Variants in AZIN2 observed in about 807,000 individuals in gnomAD.
AZIN2 encodes ODC antizyme inhibitor-2.
A neutral mutation model predicts 47.8 loss-of-function variants in AZIN2; 28 were observed. The observed-to-expected ratio is 0.59, with a 90% confidence interval of 0.43 to 0.80. The LOEUF is 0.80. Ranked by LOEUF, AZIN2 falls within the 30% of genes least tolerant of loss-of-function variation. The pLI is 0.00. For synonymous variants in AZIN2, 221 were observed against 239.4 expected (o/e 0.92, Z 0.71); for missense variants, 535 against 582.5 (o/e 0.92, Z 0.84).
chr1:33,128,913 T>C, the AZIN2 span, among the ~76,000 whole-genome samples: 3 of 152,306 alleles, frequency 2.0e-5, no homozygotes, highest in Admixed American at 2.0e-4. Flanking sequence ...AAGTGCTGTG[T>C]TAGTGGAAAG....
rs758296507 is a variant in AZIN2 at position 33,120,138 on chromosome 1, A to G, written c.1339A>G (p.Thr447Ala). ...PLSCGWEITD[T>A]LCVGPVFTPA... The stretch of plus-strand genomic sequence containing the variant: ...GTCCTGCGGCTGGGAGATCACAGAC[A>G]CCCTGTGCGTGGGCCCTGTCTTCAC... Residue 447 changes from threonine (T) to alanine (A), a missense_variant, in exon 12 of 12, where the codon ACC becomes GCC. Coordinates refer to ENST00000294517, the MANE Select transcript of AZIN2 (RefSeq NM_052998.4). 1 of 1,613,730 alleles carries G rather than the reference A, an allele frequency of 6.2e-7. No homozygotes were observed. Among genetic ancestry groups the G allele is most frequent in the South Asian group, 1.1e-5 (1 of 91,090 alleles).
intron 10 of AZIN2, 75 bp downstream of exon 10, chr1:33,098,254 A>C (rs1643368208): frequency 8.5e-7 from 1 of 1,177,174 alleles, no homozygotes. Flanking sequence ...TTTTTATCTA[A>C]TTTTTAAAAA....
At chr1:33,157,913 T>C in the AZIN2 span, among the ~76,000 whole-genome samples, 1 of 152,060 alleles carries the variant, frequency 6.6e-6, no homozygotes, top group Non-Finnish European at 1.5e-5. Context: ...CACGCCACCA[T>C]GCCCAGCTAA....
chr1:33,141,658 C>A, the AZIN2 span, among the ~76,000 whole-genome samples: 1 of 152,190 alleles, frequency 6.6e-6, no homozygotes, highest in East Asian at 1.9e-4. Flanking sequence ...ACCCTTCCCC[C>A]TCTTCATCTA....
At position 33,082,289 on chromosome 1, in the gene AZIN2, G is replaced by A; in HGVS notation, c.40G>A (p.Glu14Lys). 6.2e-7 allele frequency: 1 copy of A among 1,614,162 alleles called. No individual in the cohort carries two copies. Among genetic ancestry groups the A allele is most frequent in the Admixed American group, 1.7e-5 (1 of 60,018 alleles). ...GAGTGAATCGGACTTTGTGATGGTG[G>A]AGGAGGGCTTCAGTACCCGAGACCT... ...YLSESDFVMV[E>K]EGFSTRDLLK... Residue 14 changes from glutamate to lysine, a missense_variant, in exon 4 of 12, where the codon GAG becomes AAG. Glu to Lys is a moderately conservative substitution (Grantham distance 56). Coordinates refer to ENST00000294517, the MANE Select transcript of AZIN2 (RefSeq NM_052998.4).
the AZIN2 span, among the ~76,000 whole-genome samples, chr1:33,155,523 G>A: frequency 2.0e-5 from 3 of 152,128 alleles, no homozygotes; most frequent in African/African-American, 4.8e-5. Flanking sequence ...CCTTCCTGGT[G>A]TGTGTGAGGT....
In AZIN2 at chr1:33,113,479, C is replaced by T. The variant is rs1207509413; in HGVS notation, c.1030-4423C>T. ...TTAAGATTTTCCAGGTGGGCAAATACGTTATCTGCAGTGTAATATTTTATT... is the reference window on the plus strand; with the variant it reads ...TTAAGATTTTCCAGGTGGGCAAATATGTTATCTGCAGTGTAATATTTTATT... On this transcript the variant is annotated intron_variant, in intron 10 of 11. Coordinates refer to ENST00000294517, the MANE Select transcript of AZIN2 (RefSeq NM_052998.4). The surrounding 1 kb of genome is among the most constrained non-coding windows in gnomAD (Gnocchi z 4.1). Among the ~76,000 whole-genome samples the T allele has an allele frequency of 6.6e-6, 1 of 152,142 alleles. No homozygotes were observed. The highest frequency in any genetic ancestry group is 2.4e-5 in the African/African-American group (1 of 41,422).
At chr1:33,125,551 G>A (rs969375114), downstream of AZIN2, among the ~76,000 whole-genome samples, 4 of 152,186 alleles carry the variant, frequency 2.6e-5, no homozygotes, top group Non-Finnish European at 5.9e-5. Context: ...CGGCTTGAAT[G>A]TTGCCATCTC....
Position 33,092,220 on chromosome 1 carries a change from C to G in AZIN2, c.450C>G (p.Ala150=), listed in dbSNP as rs765748236. The G allele has an allele frequency of 1.2e-6, 2 of 1,613,192 alleles. No homozygotes were observed. Among genetic ancestry groups the G allele is most frequent in the East Asian group, 4.5e-5 (2 of 44,876 alleles). ...AGGTGGTAAAGAGCCACCCCAGTGCCAAGTAAGCTGAGAACCACTCATGGG... is the reference window on the plus strand; with the variant it reads ...AGGTGGTAAAGAGCCACCCCAGTGCGAAGTAAGCTGAGAACCACTCATGGG... The part of the protein sequence containing the change: ...LAKVVKSHPS[A]KMVLCIATDD... The change falls in exon 6 of 12, where the codon GCC becomes GCG. Residue 150 remains alanine (A), a splice_region_variant and synonymous_variant. Transcript: ENST00000294517.
rs1042143190 is a variant in AZIN2, at chr1:33,121,114, G to A, written c.*932G>A. 3.3e-5 allele frequency among the ~76,000 whole-genome samples: 5 copies of A among 152,178 alleles called. No homozygotes were observed. Among genetic ancestry groups the A allele is most frequent in the Non-Finnish European group, 5.9e-5 (4 of 68,034 alleles). ...AGGACAAAGGCTCCTTCACACTGCCGGGTTCCCAAATTATGCCCCGGGGTG... is the reference window on the plus strand; with the variant it reads ...AGGACAAAGGCTCCTTCACACTGCCAGGTTCCCAAATTATGCCCCGGGGTG... On this transcript the variant is annotated 3_prime_UTR_variant, in exon 12 of 12. Transcript: ENST00000294517.
chr1:33,102,161 A>T (rs1643753566), intron 10 of AZIN2, among the ~76,000 whole-genome samples: 1 of 152,198 alleles, frequency 6.6e-6, no homozygotes. Flanking sequence ...TTTCTCCAGC[A>T]TGGAGTATTG....
At chr1:33,136,098 C>CA in the AZIN2 span, among the ~76,000 whole-genome samples, 1 of 151,658 alleles carries the variant, frequency 6.6e-6, no homozygotes, top group Admixed American at 6.6e-5. Flanking sequence ...CATTTGACTC[C>CA]AGCCCAGGGG....
At chr1:33,117,400 G>T (rs1011566123) in intron 10 of AZIN2, among the ~76,000 whole-genome samples, 54 of 152,308 alleles carry the variant, frequency 3.5e-4, no homozygotes, top group African/African-American at 1.3e-3. Context: ...TGAGGGTCGG[G>T]GAAGGGCTGT....
intron 10 of AZIN2, among the ~76,000 whole-genome samples, chr1:33,111,545 T>TG (rs1222305478): frequency 6.6e-6 from 1 of 151,980 alleles, no homozygotes; most frequent in African/African-American, 2.4e-5. Flanking sequence ...TGAGGCAAAC[T>TG]GGGGGGAATA....
At chr1:33,099,785 C>T (rs553632008) in intron 10 of AZIN2, among the ~76,000 whole-genome samples, 2 of 152,200 alleles carry the variant, frequency 1.3e-5, no homozygotes, top group African/African-American at 2.4e-5. Context: ...AGTTTGGCCA[C>T]GTGAGCGCCT....
chr1:33,085,635 C>T (rs1430084719), intron 5 of AZIN2, among the ~76,000 whole-genome samples: 1 of 152,078 alleles, frequency 6.6e-6, no homozygotes, highest in Non-Finnish European at 1.5e-5. Flanking sequence ...GGAGCGACTC[C>T]AGGTTGGGGA....
chr1:33,161,780 C>G, the AZIN2 span, among the ~76,000 whole-genome samples: 1 of 152,264 alleles, frequency 6.6e-6, no homozygotes, highest in Non-Finnish European at 1.5e-5. This position sits in a 1 kb window ranked among gnomAD's most constrained non-coding sequence, Gnocchi z 4.3. Context: ...TCTGGCTCCT[C>G]CTAGACCACT....
the AZIN2 span, chr1:33,159,673 G>C: frequency 1.8e-5 from 29 of 1,594,274 alleles, no homozygotes; most frequent in Non-Finnish European, 2.4e-5. The surrounding 1 kb of genome is among the most constrained non-coding windows in gnomAD (Gnocchi z 4.2). Context: ...GAGGGCCCCG[G>C]CGGGTGGCAC....
At chr1:33,087,408 C>T (rs1415990648) in intron 5 of AZIN2, among the ~76,000 whole-genome samples, 1 of 151,574 alleles carries the variant, frequency 6.6e-6, no homozygotes, top group Non-Finnish European at 1.5e-5. Context: ...GCTGGGATTA[C>T]GGGCATAAGC....
Sources: gnomAD v4.1 joint callset for allele counts (sites outside exome capture counted in the v4.1 genomes callset) on GRCh38, gnomAD v4.1.1 for gene constraint, Gnocchi (gnomAD v3.1) non-coding constraint, MANE v1.5 for transcripts, NCBI Gene and HGNC (gene_info 2026-07-23, HGNC 2026-07-21) for gene names.